ARIH1: variants seen among roughly 807,000 people sequenced by gnomAD.
ARIH1 encodes E3 ubiquitin-protein ligase ARIH1.
A neutral mutation model predicts 85.0 loss-of-function variants in ARIH1; 8 were observed. The observed-to-expected ratio is 0.09, with a 90% CI of 0.06 to 0.17. The LOEUF is 0.17. Among genes scored for constraint, ARIH1 ranks in the 10% least tolerant of loss-of-function variants. The pLI is 1.00. For synonymous variants in ARIH1, 238 were observed against 253.6 expected, an observed-to-expected ratio of 0.94 and a Z score of 0.59; for missense variants, 311 against 718.1, an observed-to-expected ratio of 0.43 and a Z score of 6.48.
chr15:72,560,811 A>T (rs1431984114), intron 5 of ARIH1, among the ~76,000 whole-genome samples: 1 of 82,568 alleles, frequency 1.2e-5, no homozygotes, highest in Non-Finnish European at 3.2e-5. Flanking sequence ...CATGTTCTTC[A>T]TGTCTTTCTC....
Position 72,588,170 on chromosome 15 carries a change from T to G in ARIH1, c.*4878T>G, listed in dbSNP as rs1175285444. On this transcript the variant is annotated 3_prime_UTR_variant, in exon 14 of 14. Transcript: ENST00000379887. ...CCAAGTAAATATTTTAGAAATAGAG[T>G]ACCCTGGAGTAGATGGGCTCTGAGA... 6.6e-6 allele frequency: 1 copy of G among 152,102 alleles called. No homozygotes were observed. The highest frequency in any genetic ancestry group is 1.5e-5 in the Non-Finnish European group (1 of 68,014). 9.4% of individuals were successfully genotyped at this position (152,102 alleles called of 1,614,324 possible). A position where few individuals can be genotyped will look rare whatever the true frequency, so the allele number is the denominator to read the frequency against.
chr15:72,578,203 G>C (rs967245685), intron 11 of ARIH1, among the ~76,000 whole-genome samples: 20 of 152,112 alleles, frequency 1.3e-4, no homozygotes, highest in African/African-American at 4.6e-4. Context: ...TTCCTTGATG[G>C]GCTCTGTTGT....
chr15:72,583,184 T>A, intron 13 of ARIH1, 24 bp from the exon 14 acceptor site: 1 of 1,574,474 alleles, frequency 6.4e-7, no homozygotes, highest in Non-Finnish European at 8.6e-7. Flanking sequence ...CAACAAGTTT[T>A]TTTTTTTTTC....
chr15:72,519,002 A>C (rs2063987118), intron 2 of ARIH1, among the ~76,000 whole-genome samples: 1 of 152,058 alleles, frequency 6.6e-6, no homozygotes, highest in Admixed American at 6.5e-5. Flanking sequence ...AAAGAGAAGA[A>C]ATTAGTGGGA....
At chr15:72,581,826 T>A in intron 12 of ARIH1, 1 of 315,544 alleles carries the variant, frequency 3.2e-6, no homozygotes, top group Non-Finnish European at 5.8e-6. Flanking sequence ...TCCTTTCAAA[T>A]GGTCTTCAGT....
intron 1 of ARIH1, among the ~76,000 whole-genome samples, chr15:72,489,328 A>G (rs2063849608): frequency 6.6e-6 from 1 of 151,672 alleles, no homozygotes; most frequent in African/African-American, 2.4e-5. Context: ...GAACAAAACT[A>G]TTTAATAATA....
chr15:72,572,250 T>C (rs759464308), intron 11 of ARIH1, 85 bp downstream of exon 11: 3 of 1,110,984 alleles, frequency 2.7e-6, no homozygotes, highest in Non-Finnish European at 4.0e-6. Flanking sequence ...TTTTTTTTTT[T>C]TTTTTGAGAC....
chr15:72,558,384 C>G (rs1431176265), intron 5 of ARIH1, among the ~76,000 whole-genome samples: 1 of 152,192 alleles, frequency 6.6e-6, no homozygotes, highest in Non-Finnish European at 1.5e-5. Context: ...TCACTGCAAC[C>G]TCTGCCTCCC....
chr15:72,525,339 A>G (rs1595861246), intron 2 of ARIH1, among the ~76,000 whole-genome samples: 1 of 152,242 alleles, frequency 6.6e-6, no homozygotes, highest in African/African-American at 2.4e-5. Flanking sequence ...AAAATTGTGT[A>G]TTAACTCGTG....
At chr15:72,536,756 A>G (rs2064083700) in intron 2 of ARIH1, among the ~76,000 whole-genome samples, 1 of 152,220 alleles carries the variant, frequency 6.6e-6, no homozygotes, top group Non-Finnish European at 1.5e-5. Flanking sequence ...AGGTTAAAGT[A>G]TGCAGTAAGA....
At chr15:72,573,902 T>C (rs1436488110) in intron 11 of ARIH1, among the ~76,000 whole-genome samples, 3 of 152,182 alleles carry the variant, frequency 2.0e-5, no homozygotes, top group Non-Finnish European at 4.4e-5. Flanking sequence ...ACCAATTTTC[T>C]TTTCTTTCTT....
rs190435232 is a variant in ARIH1 at position 72,488,041 on chromosome 15, C to G, written c.375+13027C>G. On this transcript the variant is annotated intron_variant, in intron 1 of 13. Coordinates refer to ENST00000379887, the MANE Select transcript of ARIH1 (RefSeq NM_005744.5). ...GATACCTTTTCTTTTCTTTCTGTCT[C>G]TCTTTTTTCTTGAGACAGGGTTTTT... Among the ~76,000 whole-genome samples, 742 of 152,010 alleles carry G rather than the reference C, an allele frequency of 4.9e-3. 9 individuals are homozygous for G. Among genetic ancestry groups the G allele is most frequent in the African/African-American group, 0.017 (711 of 41,484 alleles).
chr15:72,583,347 C>G lies in ARIH1; in HGVS notation c.*55C>G. On this transcript the variant is annotated 3_prime_UTR_variant, in exon 14 of 14. Transcript: ENST00000379887. ...AACTTTACCATCTAGAGTGCTCATG[C>G]AATTAAAACAAAACAAACACAAACA... The G allele has an allele frequency of 3.5e-6, 5 of 1,411,638 alleles. No individual in the cohort carries two copies. Among genetic ancestry groups the G allele is most frequent in the Non-Finnish European group, 4.0e-6 (4 of 1,006,900 alleles). 87.4% of individuals were successfully genotyped at this position (1,411,638 alleles called of 1,614,324 possible). A position where few individuals can be genotyped will look rare whatever the true frequency, so the allele number is the denominator to read the frequency against.
rs2064343313 is a variant in ARIH1, at chr15:72,591,431, T to C, written c.*8139T>C. 6.6e-6 allele frequency: 1 copy of C among 152,158 alleles called. No individual in the cohort carries two copies. The highest frequency in any genetic ancestry group is 2.4e-5 in the African/African-American group (1 of 41,438). 9.4% of individuals were successfully genotyped at this position (152,158 alleles called of 1,614,324 possible). On this transcript the variant is annotated 3_prime_UTR_variant, in exon 14 of 14. Coordinates refer to ENST00000379887, the MANE Select transcript of ARIH1 (RefSeq NM_005744.5). ...CATTAAATGGCTGTTCTTAGAATTA[T>C]GAATCTGAGGCTTATGCAGTGAGGC...
At chr15:72,522,712 A>G (rs578261345) in intron 2 of ARIH1, among the ~76,000 whole-genome samples, 1 of 89,770 alleles carries the variant, frequency 1.1e-5, no homozygotes, top group East Asian at 4.3e-4. Context: ...TTTCTGGAAG[A>G]TAAGCTACAG....
intron 11 of ARIH1, among the ~76,000 whole-genome samples, chr15:72,573,454 G>A (rs1248751684): frequency 1.3e-5 from 2 of 152,134 alleles, no homozygotes; most frequent in Non-Finnish European, 2.9e-5. Context: ...CCAGCTACTC[G>A]GGAGGCTGAG....
At chr15:72,530,123 T>C (rs1462826789) in intron 2 of ARIH1, among the ~76,000 whole-genome samples, 1 of 152,166 alleles carries the variant, frequency 6.6e-6, no homozygotes, top group Non-Finnish European at 1.5e-5. Context: ...AGACAAAATA[T>C]AGGAGACTCT....
At chr15:72,576,856 C>G (rs2140438548) in intron 11 of ARIH1, among the ~76,000 whole-genome samples, 1 of 152,284 alleles carries the variant, frequency 6.6e-6, no homozygotes, top group Admixed American at 6.5e-5. Context: ...GGAAAATCCA[C>G]ATACCACTTT....
intron 11 of ARIH1, chr15:72,580,467 C>A (rs1294455062): frequency 2.3e-6 from 1 of 427,578 alleles, no homozygotes; most frequent in East Asian, 4.2e-5. Flanking sequence ...TTGCTGGATT[C>A]TGTGGTGGTT....
Sources: gnomAD v4.1 joint callset for allele counts (sites outside exome capture counted in the v4.1 genomes callset) on GRCh38, gnomAD v4.1.1 for gene constraint, MANE v1.5 for transcripts, NCBI Gene and HGNC (gene_info 2026-07-23, HGNC 2026-07-21) for gene names.